XKR7: variants seen among roughly 807,000 people sequenced by gnomAD.
XKR7 encodes the protein XK related 7, also known as XK-related protein 7.
Under a neutral mutation model 42.2 loss-of-function variants are expected in XKR7, and 11 were observed. The observed-to-expected ratio is 0.26, with a 90% CI of 0.16 to 0.43. XKR7 has a LOEUF of 0.43. Ranked by LOEUF, XKR7 falls within the 20% of genes least tolerant of loss-of-function variation. The pLI, the probability that XKR7 is intolerant of heterozygous loss-of-function variation, is 1.00. For missense variants in XKR7, 710 were observed against 802.2 expected (o/e 0.89, Z 1.39); for synonymous variants, 346 against 366.4 (o/e 0.94, Z 0.64).
chr20:32,001,106 G>C lies in XKR7; in HGVS notation c.*3649G>C, dbSNP rs534382366. ...GCTGGGAATATCCAGGGAAGGTCTCGCTTGCAGTCAACACCCTCCTAAGTA... is the reference window on the plus strand; with the variant it reads ...GCTGGGAATATCCAGGGAAGGTCTCCCTTGCAGTCAACACCCTCCTAAGTA... On this transcript the variant is annotated 3_prime_UTR_variant, in exon 3 of 3. Transcript: ENST00000562532. 2.6e-5 allele frequency: 4 copies of C among 152,354 alleles called. No homozygotes were observed. The highest frequency in any genetic ancestry group is 2.6e-4 in the Admixed American group (4 of 15,304). The allele number at this position is 152,354 out of a possible 1,614,324, so 9.4% of individuals were successfully genotyped here.
chr20:31,989,877 T>C (rs1264476569), intron 1 of XKR7, among the ~76,000 whole-genome samples: 1 of 152,104 alleles, frequency 6.6e-6, no homozygotes, highest in Non-Finnish European at 1.5e-5. Context: ...CCTCCCAAAA[T>C]GTTGGGATTC....
In XKR7 at chr20:31,981,711, A is replaced by G. The variant is rs956182988; in HGVS notation, c.584+12952A>G. ...TGTCTAAAAACAAACAAACCAACAA[A>G]CAAACAAAGAAAAAACAAAAGATAA... On this transcript the variant is annotated intron_variant, in intron 1 of 2. Transcript: ENST00000562532. Among the ~76,000 whole-genome samples the G allele has an allele frequency of 4.6e-5, 7 of 152,260 alleles. No individual in the cohort carries two copies. In the East Asian group the frequency reaches 7.7e-4, roughly 17 times the overall value.
chr20:31,995,001 C>T lies in XKR7; in HGVS notation c.585-67C>T, dbSNP rs2064584161. On this transcript the variant is annotated intron_variant, in intron 1 of 2. Transcript: ENST00000562532. This position sits in a 1 kb window ranked among gnomAD's most constrained non-coding sequence, Gnocchi z 4.1. The stretch of plus-strand genomic sequence containing the variant: ...TTGCCCCCTGCGCCTGTGGGCGGCT[C>T]GGGGCTGGTGCGACAGAGCGAGAGG... The T allele has an allele frequency of 6.5e-7, 1 of 1,527,682 alleles. No individual in the cohort carries two copies. Among genetic ancestry groups the T allele is most frequent in the Non-Finnish European group, 8.7e-7 (1 of 1,142,992 alleles). 94.6% of individuals were successfully genotyped at this position (1,527,682 alleles called of 1,614,324 possible). A position where few individuals can be genotyped will look rare whatever the true frequency, so the allele number is the denominator to read the frequency against.
chr20:31,974,731 C>T (rs548338572), intron 1 of XKR7, among the ~76,000 whole-genome samples: 77 of 152,332 alleles, frequency 5.1e-4, no homozygotes, highest in Middle Eastern at 3.4e-3. Context: ...CTCTGAATGT[C>T]TCTTTTATGA....
intron 1 of XKR7, chr20:31,970,799 A>G (rs1305235089): frequency 2.0e-5 from 3 of 152,190 alleles, no homozygotes; most frequent in African/African-American, 7.2e-5. Context: ...TATAACAATT[A>G]TTTTATTAAA....
intron 1 of XKR7, among the ~76,000 whole-genome samples, chr20:31,980,609 A>G (rs2064507692): frequency 6.6e-6 from 1 of 152,150 alleles, no homozygotes; most frequent in Non-Finnish European, 1.5e-5. Context: ...TGTCCGGGCC[A>G]TCCTTACCTC....
intron 1 of XKR7, among the ~76,000 whole-genome samples, chr20:31,979,910 C>T (rs2064503586): frequency 6.6e-6 from 1 of 151,930 alleles, no homozygotes; most frequent in Non-Finnish European, 1.5e-5. Flanking sequence ...AAACTGAGGT[C>T]CAGAGAGGAG....
intron 1 of XKR7, among the ~76,000 whole-genome samples, chr20:31,979,369 T>C (rs2064500918): frequency 6.6e-6 from 1 of 152,186 alleles, no homozygotes; most frequent in African/African-American, 2.4e-5. Context: ...CATAAGCCAC[T>C]ACACCAGCCT....
At chr20:31,982,101 T>TTGA (rs775078614) in intron 1 of XKR7, among the ~76,000 whole-genome samples, 2 of 152,234 alleles carry the variant, frequency 1.3e-5, no homozygotes, top group Non-Finnish European at 2.9e-5. Context: ...ACATGTTTAC[T>TTGA]TGATGATTTA....
At chr20:31,981,190 C>A (rs980283522) in intron 1 of XKR7, among the ~76,000 whole-genome samples, 5 of 150,238 alleles carry the variant, frequency 3.3e-5, no homozygotes, top group African/African-American at 1.2e-4. Flanking sequence ...CATGGTGAAA[C>A]CCTGTCTCTA....
Position 31,997,133 on chromosome 20 carries a change from C to T in XKR7, c.1416C>T (p.Pro472=). ...CGPPADAITS[P]PRSLPRTTGA... is the part of the protein sequence containing the mutation. Reference sequence around the variant, plus strand: ...CACCCGCTGACGCCATCACGAGTCCCCCCAGGTCCCTGCCAAGGACTACAG... The same window carrying T: ...CACCCGCTGACGCCATCACGAGTCCTCCCAGGTCCCTGCCAAGGACTACAG... The change falls in exon 3 of 3, where the codon CCC becomes CCT. Residue 472 remains proline (P), a synonymous_variant. Coordinates refer to ENST00000562532, the MANE Select transcript of XKR7 (RefSeq NM_001011718.2). 2 of 1,612,488 alleles carry T rather than the reference C, an allele frequency of 1.2e-6. No individual in the cohort carries two copies. Among genetic ancestry groups the T allele is most frequent in the Non-Finnish European group, 8.5e-7 (1 of 1,180,030 alleles).
Position 31,994,985 on chromosome 20 carries a change from G to A in XKR7, c.585-83G>A. 4 of 1,514,180 alleles carry A rather than the reference G, an allele frequency of 2.6e-6. No individual in the cohort carries two copies. The African/African-American group carries it at 4.2e-5, about 16-fold the overall frequency. 93.8% of individuals were successfully genotyped at this position (1,514,180 alleles called of 1,614,324 possible). A position where few individuals can be genotyped will look rare whatever the true frequency, so the allele number is the denominator to read the frequency against. Reference sequence around the variant, plus strand: ...CAGCGTAGGGAGTGACTTGCCCCCTGCGCCTGTGGGCGGCTCGGGGCTGGT... The same window carrying A: ...CAGCGTAGGGAGTGACTTGCCCCCTACGCCTGTGGGCGGCTCGGGGCTGGT... On this transcript the variant is annotated intron_variant, in intron 1 of 2. Transcript: ENST00000562532.
intron 1 of XKR7, among the ~76,000 whole-genome samples, chr20:31,974,120 C>G (rs60840162): frequency 0.38 from 57,308 of 151,864 alleles, 14,002 homozygotes; most frequent in African/African-American, 0.69. Context: ...TTGAACCTGG[C>G]AGGTGGAGGT....
chr20:31,980,586 C>T (rs1307874928), intron 1 of XKR7, among the ~76,000 whole-genome samples: 1 of 152,174 alleles, frequency 6.6e-6, no homozygotes, highest in East Asian at 1.9e-4. Context: ...TGGCTCTAGA[C>T]TCTATTCCCC....
chr20:31,994,321 C>T (rs2064581719), intron 1 of XKR7, among the ~76,000 whole-genome samples: 1 of 152,198 alleles, frequency 6.6e-6, no homozygotes, highest in South Asian at 2.1e-4. Flanking sequence ...GGCCCTGAGG[C>T]CAGAATGGCT....
intron 1 of XKR7, among the ~76,000 whole-genome samples, chr20:31,987,432 A>C (rs186896111): frequency 1.4e-4 from 21 of 149,116 alleles, no homozygotes; most frequent in African/African-American, 5.0e-4. Flanking sequence ...CCAGCATCCA[A>C]GACACAGACA....
At chr20:31,992,520 T>TATAG (rs1276536178) in intron 1 of XKR7, among the ~76,000 whole-genome samples, 2 of 152,032 alleles carry the variant, frequency 1.3e-5, no homozygotes, top group African/African-American at 4.8e-5. Context: ...GAGCAGTGGG[T>TATAG]ATAGATACAC....
chr20:31,978,198 C>G (rs2064494545), intron 1 of XKR7, among the ~76,000 whole-genome samples: 1 of 152,132 alleles, frequency 6.6e-6, no homozygotes, highest in African/African-American at 2.4e-5. Flanking sequence ...CTCCGCCTCC[C>G]AGACTCAAGC....
chr20:31,977,216 T>C (rs970516434), intron 1 of XKR7, among the ~76,000 whole-genome samples: 2 of 152,208 alleles, frequency 1.3e-5, no homozygotes, highest in Admixed American at 6.5e-5. Context: ...TCAAGTTCCT[T>C]GTATGCAGTA....
Sources: gnomAD v4.1 joint callset for allele counts (sites outside exome capture counted in the v4.1 genomes callset) on GRCh38, gnomAD v4.1.1 for gene constraint, Gnocchi (gnomAD v3.1) non-coding constraint, MANE v1.5 for transcripts, NCBI Gene and HGNC (gene_info 2026-07-23, HGNC 2026-07-21) for gene names.